Variants in DOCK2 observed in about 807,000 individuals in gnomAD.
DOCK2 encodes the protein dedicator of cytokinesis 2, also known as dedicator of cytokinesis protein 2.
DOCK2 carries 87 observed loss-of-function variants against 248.9 expected under a neutral mutation model. That is an observed-to-expected ratio of 0.35 (90% confidence interval 0.29 to 0.42). DOCK2 has a LOEUF of 0.42. DOCK2 is among the 10% of genes least tolerant of loss of function. The pLI is 1.00. For synonymous variants in DOCK2, 805 were observed against 821.6 expected (o/e 0.98, Z 0.35); for missense variants, 1,747 against 2,300.2 (o/e 0.76, Z 4.92).
At chr5:170,050,764 C>A (rs1756886022) in intron 41 of DOCK2, among the ~76,000 whole-genome samples, 1 of 152,116 alleles carries the variant, frequency 6.6e-6, no homozygotes. Flanking sequence ...CAGAGTGACT[C>A]CCAGTAAATA....
At chr5:170,036,441 T>C in intron 35 of DOCK2, 74 bp from the exon 36 acceptor site, 1 of 1,484,690 alleles carries the variant, frequency 6.7e-7, no homozygotes, top group Non-Finnish European at 9.3e-7. Flanking sequence ...TCCTCTCATC[T>C]TCATCACCAC....
chr5:169,755,194 T>C (rs1183161085), intron 23 of DOCK2, among the ~76,000 whole-genome samples: 2 of 151,948 alleles, frequency 1.3e-5, no homozygotes, highest in Non-Finnish European at 1.5e-5. Context: ...GATCAATCCC[T>C]TGGCCTCCTG....
intron 27 of DOCK2, among the ~76,000 whole-genome samples, chr5:169,865,182 C>A (rs562966304): frequency 6.6e-6 from 1 of 152,082 alleles, no homozygotes; most frequent in Admixed American, 6.6e-5. Context: ...ACCTCTTTTT[C>A]GTTGTTGTTG....
intron 1 of DOCK2, among the ~76,000 whole-genome samples, chr5:169,646,984 C>T (rs111626997): frequency 0.015 from 2,340 of 152,276 alleles, 33 homozygotes; most frequent in Non-Finnish European, 0.023. Flanking sequence ...TAAAACAGTT[C>T]GGGAAGCTTA....
chr5:169,912,858 A>G (rs921700811), intron 27 of DOCK2, among the ~76,000 whole-genome samples: 2 of 151,938 alleles, frequency 1.3e-5, no homozygotes, highest in African/African-American at 4.8e-5. Flanking sequence ...TTTTCAATCA[A>G]CTCATTTGAA....
intron 25 of DOCK2, among the ~76,000 whole-genome samples, chr5:169,800,069 T>C (rs1484516902): frequency 6.6e-6 from 1 of 152,210 alleles, no homozygotes; most frequent in Non-Finnish European, 1.5e-5. Flanking sequence ...CCTCCCAAAG[T>C]GCTGCAATTA....
chr5:169,974,155 A>G (rs1283613035), intron 27 of DOCK2, among the ~76,000 whole-genome samples: 1 of 152,232 alleles, frequency 6.6e-6, no homozygotes, highest in Non-Finnish European at 1.5e-5. Flanking sequence ...TGATCTAGGC[A>G]ACCTATATCC....
intron 1 of DOCK2, among the ~76,000 whole-genome samples, chr5:169,651,429 CA>C (rs1757799228): frequency 6.6e-6 from 1 of 152,182 alleles, no homozygotes; most frequent in South Asian, 2.1e-4. Context: ...CATTGCTGGG[CA>C]GAGGATGAGG....
chr5:169,925,579 T>C (rs2909779), intron 27 of DOCK2, among the ~76,000 whole-genome samples: 1 of 80,256 alleles, frequency 1.2e-5, no homozygotes, highest in East Asian at 3.4e-4. Context: ...GACTCTGTCT[T>C]AAAAAAAAAA....
intron 2 of DOCK2, among the ~76,000 whole-genome samples, chr5:169,668,204 T>C (rs1196052481): frequency 6.6e-6 from 1 of 152,226 alleles, no homozygotes; most frequent in Non-Finnish European, 1.5e-5. Flanking sequence ...GGGCTTAATA[T>C]ATAAAGAGTG....
intron 5 of DOCK2, among the ~76,000 whole-genome samples, chr5:169,673,345 A>T (rs1273712073): frequency 2.0e-5 from 3 of 152,144 alleles, no homozygotes; most frequent in Admixed American, 2.0e-4. Flanking sequence ...CAGGAGTTTT[A>T]GGAGCACTGC....
intron 27 of DOCK2, among the ~76,000 whole-genome samples, chr5:169,885,376 A>G (rs2113518424): frequency 6.6e-6 from 1 of 152,298 alleles, no homozygotes; most frequent in African/African-American, 2.4e-5. Flanking sequence ...TGGTTGGATG[A>G]AGGGCAGGTC....
intron 26 of DOCK2, among the ~76,000 whole-genome samples, chr5:169,823,026 T>A (rs1006634150): frequency 1.3e-5 from 2 of 152,104 alleles, no homozygotes; most frequent in Non-Finnish European, 2.9e-5. Context: ...CTAGAAGAAA[T>A]GGATAAATTC....
At chr5:169,843,306 C>CT (rs61654522) in intron 27 of DOCK2, among the ~76,000 whole-genome samples, 41,173 of 151,738 alleles carry the variant, frequency 0.27, 6,070 homozygotes, top group East Asian at 0.54. Context: ...CTCTCTTTAC[C>CT]TTTTTTTTAA....
At chr5:169,882,964 G>T in intron 27 of DOCK2, 2 of 1,551,706 alleles carry the variant, frequency 1.3e-6, no homozygotes, top group Non-Finnish European at 1.7e-6. Context: ...GCCTTGTGAG[G>T]GGGAACTGTG....
Position 169,955,094 on chromosome 5 carries a change from C to A in DOCK2, c.2800-27974C>A, listed in dbSNP as rs1420864230. Among the ~76,000 whole-genome samples, 4 of 152,214 alleles carry A rather than the reference C, an allele frequency of 2.6e-5. No homozygotes were observed. The East Asian group carries it at 7.7e-4, about 29-fold the overall frequency. ...CTAAGCACTTTTGTGCCCTCTGAAGCAAGGCAACCCCATAACCTTGCAGAG... is the reference window on the plus strand; with the variant it reads ...CTAAGCACTTTTGTGCCCTCTGAAGAAAGGCAACCCCATAACCTTGCAGAG... On this transcript the variant is annotated intron_variant, in intron 27 of 51. Transcript: ENST00000520908.
intron 2 of DOCK2, 145 bp from the exon 3 acceptor site, chr5:169,669,143 A>G (rs1758896125): frequency 1.2e-6 from 1 of 830,344 alleles, no homozygotes; most frequent in Non-Finnish European, 1.9e-6. Flanking sequence ...AAAGACTATG[A>G]GCTTCCAGAG....
At chr5:169,931,881 G>A (rs139291645) in intron 27 of DOCK2, among the ~76,000 whole-genome samples, 35 of 152,272 alleles carry the variant, frequency 2.3e-4, no homozygotes, top group Non-Finnish European at 4.7e-4. Context: ...CCTTCTCTAT[G>A]TTCCTCTTTC....
chr5:169,909,216 T>C (rs1030912873), intron 27 of DOCK2, among the ~76,000 whole-genome samples: 3 of 152,316 alleles, frequency 2.0e-5, no homozygotes, highest in Non-Finnish European at 2.9e-5. Flanking sequence ...CACATGAAGC[T>C]ATCTAAATTT....
Sources: gnomAD v4.1 joint callset for allele counts (sites outside exome capture counted in the v4.1 genomes callset) on GRCh38, gnomAD v4.1.1 for gene constraint, MANE v1.5 for transcripts, NCBI Gene and HGNC (gene_info 2026-07-23, HGNC 2026-07-21) for gene names.